The following ASCC3 variants were observed in gnomAD, a reference collection of about 807,000 sequenced individuals.
ASCC3 encodes the protein ASC-1 complex subunit P200.
ASCC3 carries 158 observed loss-of-function variants against 256.3 expected under a neutral mutation model. The observed-to-expected ratio is 0.62, with a 90% confidence interval of 0.54 to 0.70. The LOEUF is 0.70. Among genes scored for constraint, ASCC3 ranks in the 30% least tolerant of loss-of-function variants. The probability of loss-of-function intolerance (pLI) is 0.00; values close to 1 mark genes in which losing one functional copy is unlikely to be tolerated. For missense variants in ASCC3, 2,259 were observed against 2,626.0 expected (o/e 0.86, Z 3.05); for synonymous variants, 948 against 883.4 (o/e 1.07, Z -1.30).
chr6:100,568,141 G>A lies in ASCC3; in HGVS notation c.5550+21493C>T, dbSNP rs527419933. The stretch of plus-strand genomic sequence containing the variant: ...CTAGCACTTTGGGAGGCTGAGGTGG[G>A]AGGATCACCTGAGGTAAGGAATTTG... On this transcript the variant is annotated intron_variant, in intron 36 of 41. Transcript: ENST00000369162. Among the ~76,000 whole-genome samples, 3 of 152,188 alleles carry A rather than the reference G, an allele frequency of 2.0e-5. No homozygotes were observed. The South Asian group carries it at 6.2e-4, about 32-fold the overall frequency.
At chr6:100,813,630 T>A (rs1181717207) in intron 4 of ASCC3, among the ~76,000 whole-genome samples, 1 of 152,024 alleles carries the variant, frequency 6.6e-6, no homozygotes, top group African/African-American at 2.4e-5. Context: ...TCTGTGTTTG[T>A]GTGTGCGTGT....
intron 10 of ASCC3, among the ~76,000 whole-genome samples, chr6:100,746,777 A>G (rs930778105): frequency 6.6e-6 from 1 of 152,222 alleles, no homozygotes; most frequent in African/African-American, 2.4e-5. Context: ...AGACTTAACC[A>G]GATTTCAAAA....
At chr6:100,718,671 G>T (rs1173017950) in intron 11 of ASCC3, among the ~76,000 whole-genome samples, 1 of 151,962 alleles carries the variant, frequency 6.6e-6, no homozygotes. Context: ...GAGGTGGGAG[G>T]ATCACTTGAG....
intron 17 of ASCC3, among the ~76,000 whole-genome samples, chr6:100,654,137 T>C (rs1775808066): frequency 3.9e-5 from 6 of 152,086 alleles, no homozygotes; most frequent in Admixed American, 3.9e-4. Context: ...TCTTAAATGT[T>C]TGCTATGAGT....
chr6:100,797,085 G>T (rs1769655512), intron 8 of ASCC3, among the ~76,000 whole-genome samples: 1 of 152,110 alleles, frequency 6.6e-6, no homozygotes, highest in Non-Finnish European at 1.5e-5. Context: ...AAATAAGTAT[G>T]ATAGAAAAGT....
intron 8 of ASCC3, among the ~76,000 whole-genome samples, chr6:100,783,262 G>A (rs1346779211): frequency 6.6e-6 from 1 of 151,760 alleles, no homozygotes; most frequent in African/African-American, 2.4e-5. Flanking sequence ...CTCTTTTTTG[G>A]TCTTAACATG....
chr6:100,849,843 T>C (rs1268439036), intron 3 of ASCC3, among the ~76,000 whole-genome samples: 2 of 152,050 alleles, frequency 1.3e-5, no homozygotes, highest in Non-Finnish European at 2.9e-5. Context: ...CTCCCGCCTG[T>C]AATCCCAGCA....
chr6:100,713,115 C>A (rs1456340007), intron 13 of ASCC3, among the ~76,000 whole-genome samples: 3 of 152,020 alleles, frequency 2.0e-5, no homozygotes, highest in African/African-American at 7.3e-5. Flanking sequence ...CGGACAAAAA[C>A]CTGCACATGG....
chr6:100,540,767 A>C (rs969361301), intron 36 of ASCC3, among the ~76,000 whole-genome samples: 2 of 152,158 alleles, frequency 1.3e-5, no homozygotes, highest in African/African-American at 4.8e-5. Flanking sequence ...ATGGCAATTC[A>C]GTTTGGGGGA....
Position 100,800,340 on chromosome 6 carries a change from C to G in ASCC3, c.1087G>C (p.Gly363Arg), listed in dbSNP as rs749930269. Residue 363 changes from glycine to arginine, a missense_variant, in exon 6 of 42, where the codon GGA becomes CGA. Physicochemically the swap from Gly to Arg is moderately radical, Grantham distance 125 (BLOSUM62 -2). This residue lies in a region of ASCC3 where 420 missense variants were observed against 419.3 expected (regional missense o/e 1.00). Coordinates refer to ENST00000369162, the MANE Select transcript of ASCC3 (RefSeq NM_006828.4). ...TCCTTAGGATCAAAGCACATAAGTCCTTCTGAAACTTCTAAATCTTCTCCA... is the reference window on the plus strand; with the variant it reads ...TCCTTAGGATCAAAGCACATAAGTCGTTCTGAAACTTCTAAATCTTCTCCA... The part of the protein sequence containing the change: ...KAGEDLEVSE[G>R]LMCFDPKELR... 6.8e-6 allele frequency: 11 copies of G among 1,612,918 alleles called. No homozygotes were observed. Among genetic ancestry groups the G allele is most frequent in the Non-Finnish European group, 8.5e-6 (10 of 1,179,280 alleles).
chr6:100,828,338 G>A (rs1365905008), intron 4 of ASCC3, among the ~76,000 whole-genome samples: 6 of 152,056 alleles, frequency 3.9e-5, no homozygotes, highest in Non-Finnish European at 8.8e-5. Flanking sequence ...AAAGTACAAG[G>A]TATCTATTGT....
chr6:100,569,195 T>C (rs1770451873), intron 36 of ASCC3, among the ~76,000 whole-genome samples: 1 of 152,104 alleles, frequency 6.6e-6, no homozygotes, highest in Admixed American at 6.6e-5. Context: ...TTCTTCTGCA[T>C]ATGGGCTAGC....
intron 37 of ASCC3, among the ~76,000 whole-genome samples, chr6:100,535,519 G>A (rs1285868500): frequency 1.6e-5 from 2 of 128,288 alleles, no homozygotes; most frequent in African/African-American, 5.9e-5. Flanking sequence ...ACCCAGGCTA[G>A]AGTGCAGCAG....
At chr6:100,779,795 T>C (rs1782362707) in intron 8 of ASCC3, among the ~76,000 whole-genome samples, 1 of 152,100 alleles carries the variant, frequency 6.6e-6, no homozygotes, top group African/African-American at 2.4e-5. Flanking sequence ...TTTGTTTCCA[T>C]AGAAAAATGC....
intron 3 of ASCC3, chr6:100,856,935 T>C (rs572218410): frequency 6.6e-6 from 1 of 152,234 alleles, no homozygotes; most frequent in East Asian, 1.9e-4. Context: ...TACAAGCATT[T>C]TTATTGGATA....
In ASCC3 at chr6:100,833,946, T is replaced by C. The variant is rs539021647; in HGVS notation, c.801+14202A>G. On this transcript the variant is annotated intron_variant, in intron 4 of 41. Transcript: ENST00000369162. ...TACAAAAATTAGCCAGGCGTGGTGG[T>C]GCGTGCCTGTAATCCCAGTTACTTA... is the stretch of plus-strand genomic sequence containing the variant. Among the ~76,000 whole-genome samples the C allele has an allele frequency of 1.8e-4, 28 of 152,090 alleles. 2 individuals are homozygous for C. In the South Asian group the frequency reaches 5.8e-3, roughly 32 times the overall value.
chr6:100,533,190 T>C (rs1326370381), intron 37 of ASCC3, among the ~76,000 whole-genome samples: 1 of 152,142 alleles, frequency 6.6e-6, no homozygotes, highest in Non-Finnish European at 1.5e-5. Context: ...TTGGATTTTA[T>C]ATATTTTTCT....
intron 8 of ASCC3, among the ~76,000 whole-genome samples, chr6:100,791,857 T>C (rs1313694816): frequency 6.6e-6 from 1 of 151,892 alleles, no homozygotes; most frequent in Non-Finnish European, 1.5e-5. Flanking sequence ...GAAAATTTAG[T>C]CCTCATTTCT....
intron 37 of ASCC3, among the ~76,000 whole-genome samples, chr6:100,532,359 T>C (rs1420330101): frequency 8.3e-4 from 113 of 136,480 alleles, no homozygotes; most frequent in African/African-American, 3.0e-3. Context: ...TGTGTGTGTG[T>C]GTGTGTGTGT....
Sources: gnomAD v4.1 joint callset for allele counts (sites outside exome capture counted in the v4.1 genomes callset) on GRCh38, gnomAD v4.1.1 for gene constraint, gnomAD v4.1.1 regional missense constraint, MANE v1.5 for transcripts, NCBI Gene and HGNC (gene_info 2026-07-23, HGNC 2026-07-21) for gene names.